Variants in DYSF observed in about 807,000 individuals in gnomAD.
DYSF encodes the protein dysferlin.
In DYSF, 212 loss-of-function variants were observed where a neutral mutation model predicts 274.9. The observed-to-expected ratio is 0.77, with a 90% CI of 0.69 to 0.86. DYSF has a LOEUF of 0.86. DYSF is among the 40% of genes least tolerant of loss of function. The pLI, the probability that DYSF is intolerant of heterozygous loss-of-function variation, is 0.00. For synonymous variants in DYSF, 1,091 were observed against 1,078.7 expected (o/e 1.01, Z -0.22); for missense variants, 2,666 against 2,783.2 (o/e 0.96, Z 0.95).
At position 71,515,895 on chromosome 2, in the gene DYSF, T is replaced by C. The variant is rs2086603148; in HGVS notation, c.888+144T>C. 3 of 1,264,490 alleles carry C rather than the reference T, an allele frequency of 2.4e-6. No individual in the cohort carries two copies. The South Asian group carries it at 4.3e-5, about 18-fold the overall frequency. 78.3% of individuals were successfully genotyped at this position (1,264,490 alleles called of 1,614,324 possible). Reference sequence around the variant, plus strand: ...GAGATGTGCTGGCTCCCAAGGAGGTTATCTGTGGGACTGGAGAAAGGGCTC... The same window carrying C: ...GAGATGTGCTGGCTCCCAAGGAGGTCATCTGTGGGACTGGAGAAAGGGCTC... On this transcript the variant is annotated intron_variant, in intron 8 of 55. Coordinates refer to ENST00000410020, the MANE Select transcript of DYSF (RefSeq NM_001130987.2).
At chr2:71,456,439 C>T (rs945965994) in intron 1 of DYSF, among the ~76,000 whole-genome samples, 3 of 152,300 alleles carry the variant, frequency 2.0e-5, no homozygotes, top group Admixed American at 6.5e-5. Flanking sequence ...TTCTCCCTGG[C>T]AGGGTCAGCT....
intron 32 of DYSF, among the ~76,000 whole-genome samples, chr2:71,594,253 T>C (rs1362814608): frequency 6.6e-6 from 1 of 152,166 alleles, no homozygotes; most frequent in South Asian, 2.1e-4. Context: ...CCAACCCCTT[T>C]TTAAGCACAG....
chr2:71,455,081 G>A (rs1026570905), intron 1 of DYSF, among the ~76,000 whole-genome samples: 3 of 152,140 alleles, frequency 2.0e-5, no homozygotes, highest in Non-Finnish European at 4.4e-5. Context: ...GCATTAGTTG[G>A]TTTCTGGCCA....
intron 50 of DYSF, 143 bp downstream of exon 50, chr2:71,669,350 C>T (rs1000193823): frequency 2.2e-6 from 2 of 907,038 alleles, no homozygotes; most frequent in Non-Finnish European, 3.5e-6. Flanking sequence ...GTGGTCCCTG[C>T]CTTTGGGGAA....
At chr2:71,629,679 T>C (rs2094280232) in intron 41 of DYSF, among the ~76,000 whole-genome samples, 1 of 152,254 alleles carries the variant, frequency 6.6e-6, no homozygotes, top group Non-Finnish European at 1.5e-5. Context: ...TCCTTATTTC[T>C]CTGGATTTTT....
chr2:71,589,293 G>T (rs565468914), intron 30 of DYSF, among the ~76,000 whole-genome samples: 1 of 152,300 alleles, frequency 6.6e-6, no homozygotes, highest in East Asian at 1.9e-4. Flanking sequence ...CCCCTGGAGA[G>T]CCCCTTCGGG....
chr2:71,571,819 A>ACC (rs1295311827), intron 29 of DYSF, among the ~76,000 whole-genome samples: 1 of 142,796 alleles, frequency 7.0e-6, no homozygotes, highest in African/African-American at 2.6e-5. Flanking sequence ...CACCCAGCAC[A>ACC]CACACATCAC....
intron 30 of DYSF, among the ~76,000 whole-genome samples, chr2:71,575,677 C>T (rs1488518644): frequency 6.6e-6 from 1 of 152,122 alleles, no homozygotes; most frequent in Non-Finnish European, 1.5e-5. Flanking sequence ...CCTTGGCAGG[C>T]CTCAGAGTCA....
chr2:71,455,080 G>T (rs986843622), intron 1 of DYSF, among the ~76,000 whole-genome samples: 7 of 152,144 alleles, frequency 4.6e-5, no homozygotes, highest in African/African-American at 7.2e-5. Context: ...AGCATTAGTT[G>T]GTTTCTGGCC....
At chr2:71,486,028 G>A (rs1452261203) in intron 3 of DYSF, among the ~76,000 whole-genome samples, 1 of 152,130 alleles carries the variant, frequency 6.6e-6, no homozygotes, top group African/African-American at 2.4e-5. Context: ...CTCCAGTCCT[G>A]CCTGTTGGGT....
At chr2:71,681,316 T>A (rs907707432) in intron 54 of DYSF, among the ~76,000 whole-genome samples, 1 of 152,224 alleles carries the variant, frequency 6.6e-6, no homozygotes, top group Non-Finnish European at 1.5e-5. Context: ...GAATTCAAGA[T>A]GCAGGTGCTA....
intron 1 of DYSF, 141 bp from the exon 2 acceptor site, chr2:71,480,742 G>A (rs560698090): frequency 2.1e-5 from 16 of 749,380 alleles, no homozygotes; most frequent in Admixed American, 1.6e-4. Flanking sequence ...GCAGACTGGC[G>A]GGTTCTCAGG....
chr2:71,625,699 A>C (rs927047256), intron 41 of DYSF, among the ~76,000 whole-genome samples: 4 of 152,120 alleles, frequency 2.6e-5, no homozygotes, highest in African/African-American at 9.7e-5. Context: ...AAAAGTTGAG[A>C]TTTGTGACAG....
intron 51 of DYSF, 150 bp from the exon 52 acceptor site, chr2:71,674,047 C>A (rs1056583754): frequency 1.4e-6 from 1 of 725,788 alleles, no homozygotes; most frequent in African/African-American, 1.7e-5. Flanking sequence ...TCTGTCCTTC[C>A]CAGTCTTCCC....
chr2:71,645,045 G>T (rs1394963643), intron 42 of DYSF, among the ~76,000 whole-genome samples: 1 of 152,168 alleles, frequency 6.6e-6, no homozygotes, highest in African/African-American at 2.4e-5. Context: ...CCCCACAGCA[G>T]TGTCCAGAGG....
rs751063098 is a variant in DYSF, at chr2:71,537,218, G to GTTTTTTT, written c.1493+1911_1493+1912insTTTTTTT. Among the ~76,000 whole-genome samples, 53 of 47,688 alleles carry GTTTTTTT rather than the reference G, an allele frequency of 1.1e-3. 1 individual carries two copies. The highest frequency in any genetic ancestry group is 2.1e-3 in the African/African-American group (33 of 15,762). 31.3% of individuals were successfully genotyped at this position (47,688 alleles called of 152,430 possible). A position where few individuals can be genotyped will look rare whatever the true frequency, so the allele number is the denominator to read the frequency against. On this transcript the variant is annotated intron_variant, in intron 16 of 55. Transcript: ENST00000410020. ...TATTGCAGGAAATTTTTACTTTCTA[G>GTTTTTTT]TTTTGTTTTTTTTTTTTTTTTTTTT...
intron 29 of DYSF, among the ~76,000 whole-genome samples, chr2:71,571,310 C>T (rs538317352): frequency 7.3e-6 from 1 of 137,496 alleles, no homozygotes; most frequent in Non-Finnish European, 1.6e-5. Context: ...CAGATTACAC[C>T]TAGCACACCC....
chr2:71,648,613 A>G (rs1451030532), intron 42 of DYSF, among the ~76,000 whole-genome samples: 1 of 152,208 alleles, frequency 6.6e-6, no homozygotes, highest in Non-Finnish European at 1.5e-5. Context: ...TTGAACATAC[A>G]TATTGAAAAA....
In DYSF at chr2:71,669,330, G is replaced by T. The variant is rs1279624131; in HGVS notation, c.5642+123G>T. On this transcript the variant is annotated intron_variant, in intron 50 of 55. Transcript: ENST00000410020. ...AAGAACAAACAAACTTCCAACGAGG[G>T]CTCCTGGGGGTGGTCCCTGCCTTTG... 5 of 947,260 alleles carry T rather than the reference G, an allele frequency of 5.3e-6. No homozygotes were observed. In the African/African-American group the frequency reaches 8.2e-5, roughly 15 times the overall value. The allele number at this position is 947,260 out of a possible 1,614,324, so 58.7% of individuals were successfully genotyped here.
Sources: gnomAD v4.1 joint callset for allele counts (sites outside exome capture counted in the v4.1 genomes callset) on GRCh38, gnomAD v4.1.1 for gene constraint, MANE v1.5 for transcripts, NCBI Gene and HGNC (gene_info 2026-07-23, HGNC 2026-07-21) for gene names.